TSHZ2: variants seen among roughly 807,000 people sequenced by gnomAD.
TSHZ2 encodes the protein teashirt zinc finger homeobox 2.
A neutral mutation model predicts 74.4 loss-of-function variants in TSHZ2; 21 were observed. The observed-to-expected ratio is 0.28, with a 90% CI of 0.20 to 0.41. The LOEUF (loss-of-function observed/expected upper bound fraction) is 0.41, where lower values mean the gene tolerates loss of function less well. TSHZ2 is among the 10% of genes least tolerant of loss of function. TSHZ2 has a pLI of 1.00. For synonymous variants in TSHZ2, 540 were observed against 515.3 expected, an observed-to-expected ratio of 1.05 and a Z score of -0.65; for missense variants, 1,244 against 1,293.5, an observed-to-expected ratio of 0.96 and a Z score of 0.59.
chr20:53,382,998 C>T (rs1264320755), intron 2 of TSHZ2, among the ~76,000 whole-genome samples: 7 of 152,208 alleles, frequency 4.6e-5, no homozygotes, highest in South Asian at 2.1e-4. Context: ...CAGTGGCTCA[C>T]GCCTGTAATC....
chr20:53,235,713 C>T (rs185421641), intron 1 of TSHZ2, among the ~76,000 whole-genome samples: 37 of 152,198 alleles, frequency 2.4e-4, no homozygotes, highest in Admixed American at 6.5e-4. Flanking sequence ...AATTCTGTCG[C>T]CTGGAAGCTA....
chr20:53,280,764 C>G (rs778849115), intron 2 of TSHZ2, among the ~76,000 whole-genome samples: 17 of 152,058 alleles, frequency 1.1e-4, no homozygotes, highest in Admixed American at 9.8e-4. Flanking sequence ...GCGATCTCAG[C>G]TCACTGCAAC....
chr20:52,982,818 A>T (rs1981617922), intron 1 of TSHZ2, among the ~76,000 whole-genome samples: 1 of 152,114 alleles, frequency 6.6e-6, no homozygotes, highest in Non-Finnish European at 1.5e-5. Flanking sequence ...TGGTGATTTG[A>T]TCAGACCTGA....
At chr20:53,469,492 C>T (rs141557158) in intron 2 of TSHZ2, among the ~76,000 whole-genome samples, 3,289 of 151,432 alleles carry the variant, frequency 0.022, 125 homozygotes, top group African/African-American at 0.076. Context: ...TGCAGTGAGC[C>T]GAGATCACGC....
intron 2 of TSHZ2, among the ~76,000 whole-genome samples, chr20:53,472,384 G>A (rs536960224): frequency 1.3e-5 from 2 of 152,146 alleles, no homozygotes; most frequent in South Asian, 2.1e-4. Flanking sequence ...AGTCAAAGAC[G>A]ACCGAACTTT....
At chr20:53,463,992 G>A (rs945732133) in intron 2 of TSHZ2, among the ~76,000 whole-genome samples, 8 of 152,318 alleles carry the variant, frequency 5.3e-5, no homozygotes, top group Non-Finnish European at 7.3e-5. Context: ...CATCCAGTGC[G>A]TAAGCCTGAG....
intron 1 of TSHZ2, among the ~76,000 whole-genome samples, chr20:53,010,928 T>C (rs1038180832): frequency 1.2e-4 from 18 of 152,220 alleles, no homozygotes; most frequent in African/African-American, 4.1e-4. Flanking sequence ...ACATTTTCTT[T>C]ATTACGTTGT....
chr20:53,150,707 G>A (rs1344463356), intron 1 of TSHZ2, among the ~76,000 whole-genome samples: 2 of 151,732 alleles, frequency 1.3e-5, no homozygotes, highest in Admixed American at 6.6e-5. Context: ...GGAGAGGAAG[G>A]AAGGAAAGGA....
chr20:53,125,211 T>A (rs979957352), intron 1 of TSHZ2, among the ~76,000 whole-genome samples: 1 of 152,218 alleles, frequency 6.6e-6, no homozygotes, highest in African/African-American at 2.4e-5. Flanking sequence ...TTATTACTAA[T>A]GGTTTATATT....
chr20:53,357,122 C>T (rs189982715), intron 2 of TSHZ2, among the ~76,000 whole-genome samples: 17 of 152,066 alleles, frequency 1.1e-4, no homozygotes, highest in East Asian at 9.7e-4. Context: ...ACTCATTTTC[C>T]GCTAGTTTGC....
At chr20:53,242,822 T>C (rs1235863988) in intron 1 of TSHZ2, among the ~76,000 whole-genome samples, 1 of 152,242 alleles carries the variant, frequency 6.6e-6, no homozygotes. Context: ...CATTCACTTA[T>C]GGGTCCAATC....
chr20:53,325,270 A>G (rs150526708), intron 2 of TSHZ2, among the ~76,000 whole-genome samples: 1 of 152,120 alleles, frequency 6.6e-6, no homozygotes, highest in African/African-American at 2.4e-5. Context: ...ACCTCCTTAC[A>G]TCTCTGAGGG....
At chr20:53,446,773 A>G (rs980708025) in intron 2 of TSHZ2, among the ~76,000 whole-genome samples, 1 of 152,126 alleles carries the variant, frequency 6.6e-6, no homozygotes, top group Admixed American at 6.5e-5. Flanking sequence ...TAAGGCAGGT[A>G]TCCAGGGACT....
intron 1 of TSHZ2, among the ~76,000 whole-genome samples, chr20:53,210,693 A>G (rs1192617757): frequency 6.6e-6 from 1 of 152,020 alleles, no homozygotes; most frequent in Non-Finnish European, 1.5e-5. Flanking sequence ...GCCTGTTCCC[A>G]CTTAAAGCTT....
At chr20:53,223,827 T>G (rs1210630789) in intron 1 of TSHZ2, among the ~76,000 whole-genome samples, 1 of 151,860 alleles carries the variant, frequency 6.6e-6, no homozygotes, top group Non-Finnish European at 1.5e-5. Context: ...GTGATATAAC[T>G]CATCTGTGGC....
intron 2 of TSHZ2, among the ~76,000 whole-genome samples, chr20:53,440,437 C>A (rs1193939641): frequency 6.6e-6 from 1 of 152,172 alleles, no homozygotes; most frequent in African/African-American, 2.4e-5. Context: ...GGAGACCTTA[C>A]GTCATTGTCA....
chr20:53,406,170 G>A (rs959962288), intron 2 of TSHZ2, among the ~76,000 whole-genome samples: 3 of 151,968 alleles, frequency 2.0e-5, no homozygotes, highest in African/African-American at 7.3e-5. Context: ...AACTATCAAG[G>A]TTATAAGAGG....
intron 1 of TSHZ2, among the ~76,000 whole-genome samples, chr20:53,177,777 C>A (rs369802920): frequency 1.3e-5 from 2 of 152,238 alleles, no homozygotes; most frequent in African/African-American, 4.8e-5. Flanking sequence ...TTTCTAGGGA[C>A]AGTTCCTAGG....
chr20:53,478,953 T>C (rs1986071288), intron 2 of TSHZ2, among the ~76,000 whole-genome samples: 1 of 152,028 alleles, frequency 6.6e-6, no homozygotes, highest in African/African-American at 2.4e-5. Context: ...TCACTTCGGA[T>C]CAGGGATTCC....
Sources: gnomAD v4.1 joint callset for allele counts (sites outside exome capture counted in the v4.1 genomes callset) on GRCh38, gnomAD v4.1.1 for gene constraint, MANE v1.5 for transcripts, NCBI Gene and HGNC (gene_info 2026-07-23, HGNC 2026-07-21) for gene names.